Variants in PHTF1 observed in about 807,000 individuals in gnomAD.
The protein encoded by PHTF1 is putative homeodomain transcription factor 1.
A neutral mutation model predicts 102.4 loss-of-function variants in PHTF1; 88 were observed. The ratio of observed to expected loss-of-function variants is 0.86; its 90% confidence interval spans 0.72 to 1.03. The LOEUF (loss-of-function observed/expected upper bound fraction) is 1.03. Among genes scored for constraint, PHTF1 ranks in the 50% least tolerant of loss-of-function variants. The pLI is 0.00. For synonymous variants in PHTF1, 289 were observed against 305.2 expected (o/e 0.95, Z 0.55); for missense variants, 814 against 909.5 (o/e 0.89, Z 1.35).
intron 5 of PHTF1, among the ~76,000 whole-genome samples, chr1:113,735,436 G>T (rs1655344949): frequency 7.9e-6 from 1 of 126,554 alleles, no homozygotes; most frequent in Non-Finnish European, 1.6e-5. Flanking sequence ...CCATATGATA[G>T]ACTCTACATA....
At chr1:113,758,829 A>G in intron 1 of PHTF1, 96 bp from the exon 2 acceptor site, 1 of 1,415,108 alleles carries the variant, frequency 7.1e-7, no homozygotes, top group Non-Finnish European at 9.3e-7. Context: ...CAGCCTCTCC[A>G]TGAGCTGCTC....
chr1:113,747,154 C>T (rs541982399), intron 3 of PHTF1, among the ~76,000 whole-genome samples: 1 of 152,292 alleles, frequency 6.6e-6, no homozygotes, highest in South Asian at 2.1e-4. Context: ...CCCTCCTGAA[C>T]TATAGTTTTT....
chr1:113,711,797 C>G lies in PHTF1; in HGVS notation c.996G>C (p.Arg332=). 1.2e-6 allele frequency: 2 copies of G among 1,614,038 alleles called. No individual in the cohort carries two copies. Among genetic ancestry groups the G allele is most frequent in the Non-Finnish European group, 1.7e-6 (2 of 1,179,942 alleles). ...CTGATTCAGCCAGACTATCTGAATC[C>G]CGCACAATATGACACCACCTTGTAG... ...KTTTRWCHIV[R]DSDSLAESEF... Residue 332 remains arginine (R), a synonymous_variant, in exon 10 of 19, where the codon CGG becomes CGC. Coordinates refer to ENST00000369604, the MANE Select transcript of PHTF1 (RefSeq NM_001323043.2).
intron 3 of PHTF1, among the ~76,000 whole-genome samples, chr1:113,751,699 A>G (rs1263701124): frequency 1.3e-5 from 2 of 152,224 alleles, no homozygotes; most frequent in Non-Finnish European, 2.9e-5. Context: ...TCTCTTGGAT[A>G]GAAAATGTTA....
At chr1:113,720,160 T>C (rs546327884) in intron 7 of PHTF1, among the ~76,000 whole-genome samples, 1 of 152,286 alleles carries the variant, frequency 6.6e-6, no homozygotes, top group Admixed American at 6.5e-5. Context: ...TAGCTATACT[T>C]ATATTGGTCA....
At chr1:113,757,869 T>C (rs892986130) in intron 2 of PHTF1, 114 bp from the exon 3 acceptor site, 1 of 684,508 alleles carries the variant, frequency 1.5e-6, no homozygotes, top group Non-Finnish European at 2.6e-6. Flanking sequence ...ATGTGGAAAA[T>C]ATGCTTCTCA....
Position 113,738,732 on chromosome 1 carries a change from CTGAT to C in PHTF1, c.166_169del (p.Ile56GlufsTer17), listed in dbSNP as rs1156495856. 3 of 1,580,252 alleles carry C rather than the reference CTGAT, an allele frequency of 1.9e-6. No homozygotes were observed. The Admixed American group carries it at 5.3e-5, about 28-fold the overall frequency. ...TAAAAAACAATTTTAAGACTAACCT[CTGAT>C]TAAGTCAACGTCAATCAAGTCTGGC... On this transcript the variant is annotated frameshift_variant, in exon 4 of 19. Coordinates refer to ENST00000369604, the MANE Select transcript of PHTF1 (RefSeq NM_001323043.2). LOFTEE classifies it high-confidence loss of function.
chr1:113,714,743 T>C (rs1412762268), intron 7 of PHTF1: 1 of 152,332 alleles, frequency 6.6e-6, no homozygotes, highest in African/African-American at 2.4e-5. Context: ...ATTTGCCACC[T>C]GCTGATTGTA....
At position 113,698,266 on chromosome 1, in the gene PHTF1, A is replaced by G. The variant is rs763252929; in HGVS notation, c.2264T>C (p.Ile755Thr). ...GVISDLLGFNIRLWKIKS is the reference protein window; with the variant it reads ...GVISDLLGFNTRLWKIKS ...CAGAGTGGTGGTGATACTTACTCTT[A>G]TATTAAATCCTAGAAGATCACTTAT... The change falls in exon 18 of 19, where the codon ATA (isoleucine) becomes ACA (threonine). Residue 755 changes from isoleucine (I) to threonine (T), a missense_variant. Ile to Thr is a moderately conservative substitution (Grantham distance 89, BLOSUM62 -1). Transcript: ENST00000369604. The G allele has an allele frequency of 3.1e-6, 5 of 1,606,056 alleles. No individual in the cohort carries two copies. The Admixed American group carries it at 8.4e-5, about 27-fold the overall frequency.
intron 5 of PHTF1, among the ~76,000 whole-genome samples, chr1:113,735,335 T>C (rs572867744): frequency 8.6e-4 from 97 of 112,322 alleles, no homozygotes; most frequent in African/African-American, 3.1e-3. Context: ...CACTATACTC[T>C]AGCCTGGACA....
chr1:113,701,826 TAAAAAAAAAAAAAA>T (rs34844793), intron 15 of PHTF1, among the ~76,000 whole-genome samples: 1,568 of 28,222 alleles, frequency 0.056, 91 homozygotes, highest in African/African-American at 0.2. Context: ...CAATTCCTGG[TAAAAAAAAAAAAAA>T]AAAAAAAAAA....
intron 2 of PHTF1, 116 bp from the exon 3 acceptor site, chr1:113,757,871 T>C (rs1659112447): frequency 1.5e-6 from 1 of 681,098 alleles, no homozygotes. Context: ...GTGGAAAATA[T>C]GCTTCTCAAA....
At chr1:113,748,113 G>A (rs951987786) in intron 3 of PHTF1, among the ~76,000 whole-genome samples, 3 of 152,106 alleles carry the variant, frequency 2.0e-5, no homozygotes, top group South Asian at 2.1e-4. Context: ...GAGTAGCTGC[G>A]ACTACAGGCA....
chr1:113,726,303 C>G, intron 6 of PHTF1, 115 bp downstream of exon 6: 1 of 843,790 alleles, frequency 1.2e-6, no homozygotes, highest in Non-Finnish European at 1.8e-6. Flanking sequence ...TTTTCTAAGC[C>G]AAAAAATAAT....
At chr1:113,744,836 C>G (rs1397830392) in intron 3 of PHTF1, among the ~76,000 whole-genome samples, 1 of 152,080 alleles carries the variant, frequency 6.6e-6, no homozygotes, top group Non-Finnish European at 1.5e-5. Flanking sequence ...GTAGTCCCAG[C>G]TACTCAGGAG....
chr1:113,730,409 C>G (rs926522380), intron 5 of PHTF1, among the ~76,000 whole-genome samples: 49 of 152,110 alleles, frequency 3.2e-4, no homozygotes, highest in African/African-American at 1.2e-3. Context: ...TGAAGATATT[C>G]TGAATCAGGA....
intron 7 of PHTF1, among the ~76,000 whole-genome samples, chr1:113,719,812 T>C (rs761063207): frequency 4.6e-5 from 7 of 152,314 alleles, no homozygotes; most frequent in South Asian, 2.1e-4. Context: ...TATTAGTTCA[T>C]TTTCATGCTG....
intron 7 of PHTF1, among the ~76,000 whole-genome samples, chr1:113,723,336 C>G (rs2101399766): frequency 6.6e-6 from 1 of 152,254 alleles, no homozygotes; most frequent in South Asian, 2.1e-4. Flanking sequence ...CACCACCACG[C>G]CCGGATAATT....
intron 3 of PHTF1, among the ~76,000 whole-genome samples, chr1:113,750,742 G>A (rs1405734799): frequency 6.6e-6 from 1 of 151,826 alleles, no homozygotes; most frequent in African/African-American, 2.4e-5. Context: ...TGTAATCCCA[G>A]CCACTCGGGA....
Sources: allele counts gnomAD v4.1 joint callset (sites outside exome capture counted in the v4.1 genomes callset), GRCh38; gene constraint gnomAD v4.1.1; transcripts MANE v1.5; gene names NCBI Gene and HGNC (gene_info 2026-07-23, HGNC 2026-07-21).